Variants in PABPC4 observed in about 807,000 individuals in gnomAD.
PABPC4 encodes poly(A) binding protein cytoplasmic 4.
A neutral mutation model predicts 74.5 loss-of-function variants in PABPC4; 15 were observed. That is an observed-to-expected ratio of 0.20 (90% CI 0.13 to 0.31). The LOEUF is 0.31. Ranked by LOEUF, PABPC4 falls within the 10% of genes least tolerant of loss-of-function variation. The pLI is 1.00. For synonymous variants in PABPC4, 345 were observed against 303.0 expected (o/e 1.14, Z -1.44); for missense variants, 610 against 853.5 (o/e 0.71, Z 3.55).
chr1:39,568,433 A>C (rs1645885428), intron 6 of PABPC4: 1 of 190,526 alleles, frequency 5.2e-6, no homozygotes, highest in African/African-American at 2.3e-5. Context: ...TCATCAGTGC[A>C]CTCACCTTTT....
chr1:39,569,503 C>T, intron 5 of PABPC4, 92 bp downstream of exon 5: 1 of 855,762 alleles, frequency 1.2e-6, no homozygotes, highest in Non-Finnish European at 2.0e-6. Context: ...GATACTCAGA[C>T]CGTCCCAGCT....
At chr1:39,564,623 A>C (rs72663532) in intron 9 of PABPC4, 63 bp downstream of exon 9, 23 of 1,609,858 alleles carry the variant, frequency 1.4e-5, no homozygotes, top group South Asian at 4.4e-5. Flanking sequence ...GGGAAGAAGG[A>C]AAGGCAGGGG....
At chr1:39,575,201 C>T (rs1646006245) in intron 1 of PABPC4, among the ~76,000 whole-genome samples, 1 of 152,188 alleles carries the variant, frequency 6.6e-6, no homozygotes, top group Admixed American at 6.5e-5. Flanking sequence ...GCACACGCAG[C>T]TTTTGTGGCA....
chr1:39,569,528 G>A, intron 5 of PABPC4, 67 bp downstream of exon 5: 1 of 1,127,778 alleles, frequency 8.9e-7, no homozygotes, highest in Non-Finnish European at 1.4e-6. Flanking sequence ...GTAGGTGCTA[G>A]CAAGACCCTA....
At chr1:39,574,366 C>T (rs544689284) in intron 1 of PABPC4, among the ~76,000 whole-genome samples, 1 of 152,348 alleles carries the variant, frequency 6.6e-6, no homozygotes, top group African/African-American at 2.4e-5. Context: ...GACAGCACTG[C>T]ACAAGGCAAG....
intron 6 of PABPC4, 75 bp from the exon 7 acceptor site, chr1:39,567,921 G>A: frequency 2.4e-6 from 2 of 825,500 alleles, no homozygotes. Flanking sequence ...CCCCAAGGGT[G>A]GCCCCAGACC....
chr1:39,569,489 A>C, intron 5 of PABPC4, 106 bp downstream of exon 5: 1 of 779,468 alleles, frequency 1.3e-6, no homozygotes, highest in Non-Finnish European at 2.3e-6. Context: ...TACATCTACT[A>C]CCAGATACTC....
intron 3 of PABPC4, chr1:39,571,009 G>T: frequency 7.2e-7 from 1 of 1,381,954 alleles, no homozygotes; most frequent in Non-Finnish European, 9.5e-7. Context: ...TGCCTTTAAG[G>T]GAGAGGCGGC....
intron 3 of PABPC4, chr1:39,570,379 G>A (rs529704346): frequency 5.2e-6 from 1 of 192,874 alleles, no homozygotes; most frequent in Non-Finnish European, 1.1e-5. Context: ...GAGATTGTTG[G>A]AGTGAAGGGG....
At chr1:39,563,338 C>T in intron 12 of PABPC4, 1 of 390,520 alleles carries the variant, frequency 2.6e-6, no homozygotes, top group Non-Finnish European at 4.6e-6. Context: ...GAGGCTCAAA[C>T]AGCTGAATGA....
intron 10 of PABPC4, 132 bp from the exon 11 acceptor site, chr1:39,564,054 G>T (rs1645800092): frequency 2.7e-6 from 2 of 732,910 alleles, no homozygotes; most frequent in Non-Finnish European, 2.3e-6. Context: ...TTTCGAGGAT[G>T]AGCCAAAGGA....
At chr1:39,570,050 T>C (rs1347887397) in intron 3 of PABPC4, 48 bp from the exon 4 acceptor site, 1 of 1,582,724 alleles carries the variant, frequency 6.3e-7, no homozygotes, top group Non-Finnish European at 8.6e-7. Flanking sequence ...GAATAAAACA[T>C]GATGTCCAGG....
At chr1:39,566,369 C>G (rs1434547606) in intron 7 of PABPC4, among the ~76,000 whole-genome samples, 1 of 152,132 alleles carries the variant, frequency 6.6e-6, no homozygotes, top group African/African-American at 2.4e-5. Context: ...AATGAGATGA[C>G]CAGCTCAGAG....
At chr1:39,572,625 G>A (rs376970285) in intron 1 of PABPC4, 39 bp from the exon 2 acceptor site, 9 of 1,535,382 alleles carry the variant, frequency 5.9e-6, no homozygotes, top group African/African-American at 2.7e-5. Context: ...GAGAGAAAAC[G>A]TCAGCTCCCA....
chr1:39,574,024 T>C (rs1354126725), intron 1 of PABPC4, among the ~76,000 whole-genome samples: 1 of 152,150 alleles, frequency 6.6e-6, no homozygotes, highest in East Asian at 1.9e-4. Context: ...TGGAACCTGC[T>C]CCTTGCCTCA....
intron 3 of PABPC4, among the ~76,000 whole-genome samples, chr1:39,570,237 A>G (rs1319109888): frequency 6.6e-6 from 1 of 152,238 alleles, no homozygotes; most frequent in African/African-American, 2.4e-5. Flanking sequence ...TTCCTACCAC[A>G]TCACACTGCC....
chr1:39,573,959 C>T (rs961995051), intron 1 of PABPC4, among the ~76,000 whole-genome samples: 10 of 152,184 alleles, frequency 6.6e-5, no homozygotes, highest in African/African-American at 1.4e-4. Context: ...CATCTCCTAA[C>T]GGTGACATCA....
At chr1:39,562,661 C>G (rs762167478) in intron 12 of PABPC4, 1 of 429,284 alleles carries the variant, frequency 2.3e-6, no homozygotes, top group Non-Finnish European at 4.1e-6. Flanking sequence ...CGAAGTGAAA[C>G]GTAAATAATA....
chr1:39,562,508 A>G (rs4660293), intron 12 of PABPC4, 92 bp from the exon 13 acceptor site: 174,243 of 884,302 alleles, frequency 0.2, 19,826 homozygotes, highest in Non-Finnish European at 0.23. Flanking sequence ...ACATCTGACT[A>G]TGTGAAAGAG....
Sources: gnomAD v4.1 joint callset for allele counts (sites outside exome capture counted in the v4.1 genomes callset) on GRCh38, gnomAD v4.1.1 for gene constraint, MANE v1.5 for transcripts, NCBI Gene and HGNC (gene_info 2026-07-23, HGNC 2026-07-21) for gene names.